The following CYP2J2 variants were observed in gnomAD, a reference collection of about 807,000 sequenced individuals.
CYP2J2 encodes the protein cytochrome P450 family 2 subfamily J member 2, also known as cytochrome P450 2J2.
CYP2J2 carries 41 observed loss-of-function variants against 48.8 expected under a neutral mutation model. The observed-to-expected ratio is 0.84, with a 90% CI of 0.66 to 1.09. The LOEUF is 1.09. Ranked by LOEUF, CYP2J2 falls within the 50% of genes least tolerant of loss-of-function variation. The probability of loss-of-function intolerance (pLI) is 0.00; values close to 1 mark genes in which losing one functional copy is unlikely to be tolerated. For synonymous variants in CYP2J2, 221 were observed against 227.1 expected (o/e 0.97, Z 0.24); for missense variants, 644 against 617.3 (o/e 1.04, Z -0.46).
At chr1:59,923,910 A>G (rs1574262960) in intron 1 of CYP2J2, among the ~76,000 whole-genome samples, 2 of 152,152 alleles carry the variant, frequency 1.3e-5, no homozygotes, top group Admixed American at 1.3e-4. Flanking sequence ...GAGTGGCAGA[A>G]GCTCCCTCAA....
At chr1:59,907,950 T>C (rs371007321) in intron 5 of CYP2J2, 23 bp from the exon 6 acceptor site, 20 of 1,612,780 alleles carry the variant, frequency 1.2e-5, no homozygotes, top group Non-Finnish European at 1.5e-5. Context: ...ATGTTTGATG[T>C]TATTTATTGG....
chr1:59,958,880 C>T, the CYP2J2 span, among the ~76,000 whole-genome samples: 1 of 152,162 alleles, frequency 6.6e-6, no homozygotes, highest in African/African-American at 2.4e-5. Context: ...ATTCTCCTTT[C>T]TAGTTTCTCT....
At chr1:59,935,611 A>G in the CYP2J2 span, among the ~76,000 whole-genome samples, 5 of 152,238 alleles carry the variant, frequency 3.3e-5, no homozygotes, top group Non-Finnish European at 7.3e-5. Context: ...AAATAGTTAT[A>G]TATCTAGCAA....
chr1:59,910,281 C>T (rs976353206), intron 4 of CYP2J2, among the ~76,000 whole-genome samples: 4 of 152,106 alleles, frequency 2.6e-5, no homozygotes, highest in African/African-American at 7.2e-5. Context: ...TTTTCAGGCA[C>T]AATGGTATTT....
chr1:59,918,652 T>C (rs1244702826), intron 1 of CYP2J2, among the ~76,000 whole-genome samples: 6 of 150,056 alleles, frequency 4.0e-5, no homozygotes, highest in African/African-American at 1.5e-4. Flanking sequence ...TTCAATTGTA[T>C]ATCATTAAAT....
At chr1:59,941,950 G>A in the CYP2J2 span, among the ~76,000 whole-genome samples, 3 of 152,128 alleles carry the variant, frequency 2.0e-5, no homozygotes, top group African/African-American at 7.2e-5. Context: ...AAAGCCTACA[G>A]TCAAGTATAG....
At chr1:59,934,265 G>A in the CYP2J2 span, among the ~76,000 whole-genome samples, 7 of 152,024 alleles carry the variant, frequency 4.6e-5, no homozygotes, top group East Asian at 1.9e-4. Flanking sequence ...AACATATGAC[G>A]TGAAACCCTA....
the CYP2J2 span, among the ~76,000 whole-genome samples, chr1:59,954,035 A>C: frequency 6.6e-6 from 1 of 152,198 alleles, no homozygotes; most frequent in Non-Finnish European, 1.5e-5. Context: ...TGGCCAATAA[A>C]ATGTGAGAAG....
At chr1:59,911,903 C>G in intron 3 of CYP2J2, 135 bp from the exon 4 acceptor site, 2 of 925,590 alleles carry the variant, frequency 2.2e-6, no homozygotes, top group South Asian at 1.8e-5. Context: ...TGACCTTACA[C>G]TGCATCTGAC....
chr1:59,958,873 CTCCTT>C, the CYP2J2 span, among the ~76,000 whole-genome samples: 1 of 152,106 alleles, frequency 6.6e-6, no homozygotes, highest in East Asian at 1.9e-4. Flanking sequence ...GTATCCCATT[CTCCTT>C]TCTAGTTTCT....
the CYP2J2 span, among the ~76,000 whole-genome samples, chr1:59,940,298 T>C: frequency 6.6e-6 from 1 of 152,320 alleles, no homozygotes; most frequent in East Asian, 1.9e-4. Context: ...TGATGACTCC[T>C]GGACTGGATC....
intron 8 of CYP2J2, among the ~76,000 whole-genome samples, chr1:59,900,603 C>T (rs555225708): frequency 4.3e-4 from 66 of 152,262 alleles, no homozygotes; most frequent in African/African-American, 1.4e-3. Flanking sequence ...CATTGCATTC[C>T]AGCCTTGTGC....
chr1:59,950,919 C>A, the CYP2J2 span, among the ~76,000 whole-genome samples: 36 of 152,222 alleles, frequency 2.4e-4, no homozygotes, highest in African/African-American at 7.7e-4. Context: ...AGGGTGAAAG[C>A]AGAAGCTGCC....
Position 59,912,201 on chromosome 1 carries a change from C to T in CYP2J2, c.484G>A (p.Glu162Lys). 6.2e-7 allele frequency: 1 copy of T among 1,613,880 alleles called. No individual in the cohort carries two copies. The part of the protein sequence containing the change: ...KKSLEERIQE[E>K]AQHLTEAIKE... ...ATTGCTTCAGTGAGGTGTTGGGCCT[C>T]CTCCTGAATGCGTTCCTCTAAGCTC... Residue 162 changes from glutamate to lysine, a missense_variant, in exon 3 of 9, where the codon GAG (glutamate) becomes AAG (lysine). Coordinates refer to ENST00000371204, the MANE Select transcript of CYP2J2 (RefSeq NM_000775.4).
At chr1:59,955,081 T>C in the CYP2J2 span, among the ~76,000 whole-genome samples, 1 of 151,642 alleles carries the variant, frequency 6.6e-6, no homozygotes, top group Admixed American at 6.6e-5. Context: ...GATGTTGCAG[T>C]GAGCCAAGAT....
At chr1:59,930,352 A>T (rs1311127580), upstream of CYP2J2, among the ~76,000 whole-genome samples, 1 of 152,082 alleles carries the variant, frequency 6.6e-6, no homozygotes, top group Non-Finnish European at 1.5e-5. Context: ...TGATTACACC[A>T]TTTTGCATTC....
chr1:59,942,422 T>G, the CYP2J2 span, among the ~76,000 whole-genome samples: 4 of 152,068 alleles, frequency 2.6e-5, no homozygotes, highest in Non-Finnish European at 5.9e-5. Flanking sequence ...TCTTGGCATA[T>G]TCCTGTGGCG....
chr1:59,948,244 T>C, the CYP2J2 span, among the ~76,000 whole-genome samples: 1,810 of 152,282 alleles, frequency 0.012, 40 homozygotes, highest in African/African-American at 0.041. Flanking sequence ...TTGCATCCAT[T>C]CTTTTCTCCC....
chr1:59,962,817 G>A, the CYP2J2 span, among the ~76,000 whole-genome samples: 1 of 152,130 alleles, frequency 6.6e-6, no homozygotes, highest in South Asian at 2.1e-4. Flanking sequence ...GTTTAAAAGT[G>A]CATGACATCT....
Sources: allele counts gnomAD v4.1 joint callset (sites outside exome capture counted in the v4.1 genomes callset), GRCh38; gene constraint gnomAD v4.1.1; transcripts MANE v1.5; gene names NCBI Gene and HGNC (gene_info 2026-07-23, HGNC 2026-07-21).